The following PRTG variants were observed in gnomAD, a reference collection of about 807,000 sequenced individuals.
PRTG encodes the protein immunoglobulin superfamily, DCC subclass, member 5.
A neutral mutation model predicts 122.5 loss-of-function variants in PRTG; 67 were observed. That is an observed-to-expected ratio of 0.55 (90% CI 0.45 to 0.67). The LOEUF (loss-of-function observed/expected upper bound fraction) is 0.67. Ranked by LOEUF, PRTG falls within the 30% of genes least tolerant of loss-of-function variation. The pLI is 0.00. For synonymous variants in PRTG, 554 were observed against 501.1 expected (o/e 1.11, Z -1.41); for missense variants, 1,435 against 1,415.4 (o/e 1.01, Z -0.22).
intron 2 of PRTG, among the ~76,000 whole-genome samples, chr15:55,707,005 T>C (rs144420799): frequency 2.6e-5 from 4 of 152,210 alleles, no homozygotes; most frequent in African/African-American, 9.7e-5. Flanking sequence ...GACGCCCAGG[T>C]GACTTGCATG....
At chr15:55,691,367 A>G (rs1462015888) in intron 2 of PRTG, among the ~76,000 whole-genome samples, 1 of 151,572 alleles carries the variant, frequency 6.6e-6, no homozygotes, top group African/African-American at 2.4e-5. Flanking sequence ...AGTGAAATGC[A>G]TTGGCTTTCT....
chr15:55,653,711 G>A (rs1167553466), intron 11 of PRTG, among the ~76,000 whole-genome samples: 3 of 152,078 alleles, frequency 2.0e-5, no homozygotes, highest in Middle Eastern at 3.2e-3. Flanking sequence ...TGATCTGCCC[G>A]CCTTGGCCTC....
At chr15:55,674,723 T>C (rs1449151860) in intron 9 of PRTG, among the ~76,000 whole-genome samples, 1 of 152,140 alleles carries the variant, frequency 6.6e-6, no homozygotes, top group Admixed American at 6.5e-5. Flanking sequence ...GGAGATTATA[T>C]AAAAACATTT....
intron 11 of PRTG, chr15:55,655,294 A>C (rs2059373623): frequency 6.6e-6 from 1 of 152,220 alleles, no homozygotes; most frequent in South Asian, 2.1e-4. Context: ...ATTAAAAGAC[A>C]CTGAAGATGC....
intron 2 of PRTG, among the ~76,000 whole-genome samples, chr15:55,721,518 G>A (rs897538380): frequency 2.0e-5 from 3 of 151,992 alleles, no homozygotes; most frequent in African/African-American, 4.8e-5. Context: ...TATTCCATAC[G>A]TACCGTGTTG....
intron 3 of PRTG, 46 bp from the exon 4 acceptor site, chr15:55,682,543 A>ATTT: frequency 4.8e-6 from 2 of 415,834 alleles, no homozygotes; most frequent in Non-Finnish European, 3.7e-6. Context: ...TAGATTTCAT[A>ATTT]TTTTATTTAT....
chr15:55,667,887 A>ACCAGCCTGGG (rs1266504618), intron 11 of PRTG, among the ~76,000 whole-genome samples: 4 of 152,144 alleles, frequency 2.6e-5, no homozygotes, highest in Non-Finnish European at 5.9e-5. Flanking sequence ...GGAGTTCAAG[A>ACCAGCCTGGG]CCAGCCTGGG....
At chr15:55,713,377 A>G (rs2030469375) in intron 2 of PRTG, among the ~76,000 whole-genome samples, 1 of 152,228 alleles carries the variant, frequency 6.6e-6, no homozygotes, top group Admixed American at 6.5e-5. Flanking sequence ...AGAGACATGT[A>G]AGTTGTTTCC....
chr15:55,706,153 C>G (rs899199363), intron 2 of PRTG, among the ~76,000 whole-genome samples: 1 of 151,684 alleles, frequency 6.6e-6, no homozygotes, highest in Non-Finnish European at 1.5e-5. Context: ...AGCCACTGCA[C>G]CCGACCTCTA....
At position 55,620,647 on chromosome 15, in the gene PRTG, C is replaced by T. The variant is rs777540478; in HGVS notation, c.3198+16G>A. On this transcript the variant is annotated intron_variant, in intron 19 of 19. Coordinates refer to ENST00000389286, the MANE Select transcript of PRTG (RefSeq NM_173814.6). ...ATCACGCATTGCCAAAAATTTTTCT[C>T]ATTTAGATAGGTTACCTGCTCAACT... 1.3e-6 allele frequency: 2 copies of T among 1,572,478 alleles called. No homozygotes were observed. The highest frequency in any genetic ancestry group is 1.2e-5 in the South Asian group (1 of 83,986).
intron 2 of PRTG, among the ~76,000 whole-genome samples, chr15:55,713,127 C>A (rs1048189407): frequency 1.3e-4 from 14 of 106,368 alleles, no homozygotes; most frequent in Admixed American, 4.0e-4. Context: ...CCACTATTTT[C>A]AACTTGGTGT....
In PRTG at chr15:55,743,092, T is replaced by C. The variant is rs1156369417; in HGVS notation, c.-161A>G. The stretch of plus-strand genomic sequence containing the variant: ...GCGAGCGTCTCTGCGGCGGCGAGGC[T>C]GGTGCTCGGACGGCCGCTCGCGAGA... On this transcript the variant is annotated 5_prime_UTR_variant, in exon 1 of 20. Transcript: ENST00000389286. 4 of 1,283,244 alleles carry C rather than the reference T, an allele frequency of 3.1e-6. No homozygotes were observed. Among genetic ancestry groups the C allele is most frequent in the Non-Finnish European group, 3.9e-6 (4 of 1,019,816 alleles). 79.5% of individuals were successfully genotyped at this position (1,283,244 alleles called of 1,614,324 possible).
At chr15:55,706,014 A>ATTTTTTTTTTTTTTTTT (rs56275705) in intron 2 of PRTG, among the ~76,000 whole-genome samples, 239 of 94,300 alleles carry the variant, frequency 2.5e-3, no homozygotes, top group Non-Finnish European at 2.9e-3. Context: ...TGCCCAGCTA[A>ATTTTTTTTTTTTTTTTT]TTTTTTTTTT....
chr15:55,620,351 T>C, intron 19 of PRTG, 85 bp from the exon 20 acceptor site: 1 of 1,548,872 alleles, frequency 6.5e-7, no homozygotes, highest in Non-Finnish European at 8.7e-7. Context: ...CACAGACAGG[T>C]GGGAGCACAT....
Position 55,680,068 on chromosome 15 carries a change from G to C in PRTG, c.959C>G (p.Thr320Ser). Residue 320 changes from threonine (T) to serine (S), a missense_variant, in exon 6 of 20, where the codon ACT (threonine) becomes AGT (serine). Thr to Ser is a moderately conservative substitution (Grantham distance 58). Transcript: ENST00000389286. ...GTRNFTVAMATLTVLAPPSFV... is the reference protein window; with the variant it reads ...GTRNFTVAMASLTVLAPPSFV... ...AAGGAACATACCTAATACAGTTAAAGTTGCCATAGCAACTGTAAAGTTGCG... is the reference window on the plus strand; with the variant it reads ...AAGGAACATACCTAATACAGTTAAACTTGCCATAGCAACTGTAAAGTTGCG... 6.2e-7 allele frequency: 1 copy of C among 1,613,562 alleles called. No individual in the cohort carries two copies.
chr15:55,682,533 T>C (rs1595647186), intron 3 of PRTG, 36 bp from the exon 4 acceptor site: 12 of 1,135,080 alleles, frequency 1.1e-5, no homozygotes, highest in Non-Finnish European at 1.4e-5. Flanking sequence ...CTTTTTGTAG[T>C]AGATTTCATA....
In PRTG at chr15:55,742,960, G is replaced by T. The variant is rs1258762415; in HGVS notation, c.-29C>A. The T allele has an allele frequency of 6.7e-7, 1 of 1,482,290 alleles. No homozygotes were observed. The highest frequency in any genetic ancestry group is 9.0e-7 in the Non-Finnish European group (1 of 1,116,998). The allele number at this position is 1,482,290 out of a possible 1,614,324, so 91.8% of individuals were successfully genotyped here. ...GCGTAGCCGCGCGGGCATGCTCCCC[G>T]GCCGCCCAGAGCCCCTGTCCGTCTG... On this transcript the variant is annotated 5_prime_UTR_variant, in exon 1 of 20. Coordinates refer to ENST00000389286, the MANE Select transcript of PRTG (RefSeq NM_173814.6).
chr15:55,706,885 A>G (rs2030148627), intron 2 of PRTG, among the ~76,000 whole-genome samples: 1 of 152,168 alleles, frequency 6.6e-6, no homozygotes, highest in Admixed American at 6.5e-5. Context: ...TTACATTTTA[A>G]TGCTTTGCTA....
chr15:55,726,950 C>CAAAAA (rs55954392), intron 2 of PRTG, among the ~76,000 whole-genome samples: 1 of 133,488 alleles, frequency 7.5e-6, no homozygotes, highest in South Asian at 2.5e-4. Context: ...GAGTCCGTCT[C>CAAAAA]AAAAAAAAAA....
Sources: gnomAD v4.1 joint callset for allele counts (sites outside exome capture counted in the v4.1 genomes callset) on GRCh38, gnomAD v4.1.1 for gene constraint, MANE v1.5 for transcripts, NCBI Gene and HGNC (gene_info 2026-07-23, HGNC 2026-07-21) for gene names.